WDR25: variants seen among roughly 807,000 people sequenced by gnomAD.
The protein encoded by WDR25 is WD repeat-containing protein 25.
In WDR25, 35 loss-of-function variants were observed where a neutral mutation model predicts 47.7. That is an observed-to-expected ratio of 0.73 (90% confidence interval 0.56 to 0.97). The LOEUF is 0.97. WDR25 is among the 50% of genes least tolerant of loss of function. The pLI, the probability that WDR25 is intolerant of heterozygous loss-of-function variation, is 0.00. For synonymous variants in WDR25, 248 were observed against 278.9 expected, an observed-to-expected ratio of 0.89 and a Z score of 1.10; for missense variants, 634 against 704.7, an observed-to-expected ratio of 0.90 and a Z score of 1.14.
intron 2 of WDR25, chr14:100,454,520 C>G (rs1899139571): frequency 2.7e-6 from 3 of 1,122,316 alleles, no homozygotes; most frequent in Middle Eastern, 3.6e-4. Flanking sequence ...AACTGTACAA[C>G]AGCAACAACA....
rs572770143 is a variant in WDR25, at chr14:100,519,694, C to CTA, written c.1102-6169_1102-6168dup. Among the ~76,000 whole-genome samples, 73 of 141,062 alleles carry CTA rather than the reference C, an allele frequency of 5.2e-4. 1 individual carries two copies. In the East Asian group the frequency reaches 0.012, roughly 24 times the overall value. The allele number at this position is 141,062 out of a possible 152,430, so 92.5% of individuals were successfully genotyped here. A position where few individuals can be genotyped will look rare whatever the true frequency, so the allele number is the denominator to read the frequency against. On this transcript the variant is annotated intron_variant, in intron 4 of 6. Transcript: ENST00000402312. ...TAGTCTATATATAACATATAATCATCTATATATAGTATATATAGTGTATAT... is the reference window on the plus strand; with the variant it reads ...TAGTCTATATATAACATATAATCATCTATATATATAGTATATATAGTGTATAT...
chr14:100,395,488 G>A (rs943909963), intron 2 of WDR25, among the ~76,000 whole-genome samples: 2 of 152,160 alleles, frequency 1.3e-5, no homozygotes, highest in African/African-American at 4.8e-5. Context: ...CCAGAGGGGC[G>A]TATTGAAGGA....
At chr14:100,418,400 G>A (rs966523990) in intron 2 of WDR25, among the ~76,000 whole-genome samples, 1 of 151,196 alleles carries the variant, frequency 6.6e-6, no homozygotes, top group Non-Finnish European at 1.5e-5. Flanking sequence ...TTGGGAGGCC[G>A]AGGTGGGCGG....
At chr14:100,381,834 G>T in intron 2 of WDR25, 88 bp downstream of exon 2, 1 of 1,161,366 alleles carries the variant, frequency 8.6e-7, no homozygotes, top group East Asian at 2.5e-5. Context: ...GTTACAGGCT[G>T]AACTTTTTTT....
intron 1 of WDR25, among the ~76,000 whole-genome samples, chr14:100,379,608 G>A (rs1896824298): frequency 6.6e-6 from 1 of 151,902 alleles, no homozygotes; most frequent in Admixed American, 6.6e-5. Flanking sequence ...GACTAGTCTT[G>A]AACTCCTGAC....
chr14:100,515,214 GTTTCT>G (rs1173447457), intron 4 of WDR25, among the ~76,000 whole-genome samples: 2 of 152,098 alleles, frequency 1.3e-5, no homozygotes, highest in East Asian at 3.8e-4. Flanking sequence ...GCTTTGTTTA[GTTTCT>G]TTTATCTGTG....
At chr14:100,466,292 T>C (rs113344284) in intron 2 of WDR25, among the ~76,000 whole-genome samples, 36 of 152,202 alleles carry the variant, frequency 2.4e-4, no homozygotes, top group African/African-American at 8.7e-4. Flanking sequence ...ACCTTTTGTT[T>C]TCTTAAGTGT....
intron 2 of WDR25, among the ~76,000 whole-genome samples, chr14:100,418,098 C>A (rs535368728): frequency 2.0e-5 from 3 of 151,728 alleles, no homozygotes; most frequent in Admixed American, 6.6e-5. Flanking sequence ...CCAACCACCA[C>A]GCCTGGCTAA....
rs567188772 is a variant in WDR25, at chr14:100,421,274, C to G, written c.822+39528C>G. 1.1e-3 allele frequency among the ~76,000 whole-genome samples: 163 copies of G among 152,262 alleles called. 1 individual carries two copies. The highest frequency in any genetic ancestry group is 1.0e-4 in the Non-Finnish European group (7 of 68,028). Reference sequence around the variant, plus strand: ...AATATCCTTTGCTCTCTCCTTGATTCCTATGAACCAGAGAAGGGGACAGAA... The same window carrying G: ...AATATCCTTTGCTCTCTCCTTGATTGCTATGAACCAGAGAAGGGGACAGAA... On this transcript the variant is annotated intron_variant, in intron 2 of 6. Transcript: ENST00000402312.
intron 2 of WDR25, among the ~76,000 whole-genome samples, chr14:100,408,005 C>G (rs1228048716): frequency 6.6e-6 from 1 of 152,074 alleles, no homozygotes; most frequent in Admixed American, 6.5e-5. Context: ...AGCACAGATG[C>G]CTGCACACCA....
chr14:100,472,397 G>A (rs1314730516), intron 3 of WDR25, among the ~76,000 whole-genome samples: 2 of 152,240 alleles, frequency 1.3e-5, no homozygotes, highest in African/African-American at 4.8e-5. Flanking sequence ...CCCGAACCAG[G>A]CCTCTTCACC....
chr14:100,474,811 A>G (rs1899963196), intron 3 of WDR25, among the ~76,000 whole-genome samples: 1 of 152,248 alleles, frequency 6.6e-6, no homozygotes, highest in South Asian at 2.1e-4. Flanking sequence ...TCAAACTAAA[A>G]AGCTTCTGCA....
At chr14:100,527,203 T>G (rs2030218069) in intron 5 of WDR25, among the ~76,000 whole-genome samples, 1 of 151,348 alleles carries the variant, frequency 6.6e-6, no homozygotes, top group African/African-American at 2.4e-5. Context: ...GTCACCAGCA[T>G]GTCTAGCACC....
At chr14:100,434,920 C>T (rs554146505) in intron 2 of WDR25, among the ~76,000 whole-genome samples, 8 of 152,176 alleles carry the variant, frequency 5.3e-5, no homozygotes, top group Non-Finnish European at 1.0e-4. Context: ...TTTAACTGTG[C>T]GCCTGAGCAG....
chr14:100,400,306 G>C (rs1185834130), intron 2 of WDR25, among the ~76,000 whole-genome samples: 1 of 152,210 alleles, frequency 6.6e-6, no homozygotes, highest in African/African-American at 2.4e-5. Flanking sequence ...CACATTAACT[G>C]GGCTTTGTGG....
Position 100,519,611 on chromosome 14 carries a change from ATC to A in WDR25, c.1102-6255_1102-6254del, listed in dbSNP as rs1169055381. 4.0e-5 allele frequency among the ~76,000 whole-genome samples: 6 copies of A among 149,690 alleles called. No homozygotes were observed. In the Admixed American group the frequency reaches 4.0e-4, roughly 10 times the overall value. On this transcript the variant is annotated intron_variant, in intron 4 of 6. Transcript: ENST00000402312. ...ATGGTAAGTAGAGATATGGAAGACT[ATC>A]TCTATATCTATATATAGTCTTTGTA...
intron 1 of WDR25, 52 bp from the exon 2 acceptor site, chr14:100,380,858 A>G (rs755793664): frequency 1.3e-4 from 192 of 1,489,598 alleles, no homozygotes; most frequent in Non-Finnish European, 1.7e-4. Context: ...TTATAACTAC[A>G]TACATATTCT....
chr14:100,508,084 T>G (rs1181042077), intron 4 of WDR25, among the ~76,000 whole-genome samples: 2 of 152,196 alleles, frequency 1.3e-5, no homozygotes, highest in African/African-American at 4.8e-5. Context: ...CATGATCAAG[T>G]AGGCTTCATT....
chr14:100,490,565 C>G (rs1900529452), intron 4 of WDR25, among the ~76,000 whole-genome samples: 1 of 152,222 alleles, frequency 6.6e-6, no homozygotes. Context: ...ACCCAGGGAG[C>G]ATTAGAAACT....
Sources: allele counts gnomAD v4.1 joint callset (sites outside exome capture counted in the v4.1 genomes callset), GRCh38; gene constraint gnomAD v4.1.1; transcripts MANE v1.5; gene names NCBI Gene and HGNC (gene_info 2026-07-23, HGNC 2026-07-21).